Variants in LRP12 observed in about 807,000 individuals in gnomAD.
LRP12 encodes low-density lipoprotein receptor-related protein 12.
In LRP12, 14 loss-of-function variants were observed where a neutral mutation model predicts 66.0. That is an observed-to-expected ratio of 0.21 (90% confidence interval 0.14 to 0.33). The LOEUF (loss-of-function observed/expected upper bound fraction) is 0.33, where lower values mean the gene tolerates loss of function less well. Among genes scored for constraint, LRP12 ranks in the 10% least tolerant of loss-of-function variants. The pLI, the probability that LRP12 is intolerant of heterozygous loss-of-function variation, is 1.00. For missense variants in LRP12, 889 were observed against 1,053.4 expected, an observed-to-expected ratio of 0.84 and a Z score of 2.16; for synonymous variants, 357 against 359.1, an observed-to-expected ratio of 0.99 and a Z score of 0.07.
At chr8:104,584,017 C>T (rs1812294011) in intron 1 of LRP12, among the ~76,000 whole-genome samples, 1 of 151,866 alleles carries the variant, frequency 6.6e-6, no homozygotes, top group South Asian at 2.1e-4. Context: ...AAAGAAGAGA[C>T]TCTGATAACA....
intron 1 of LRP12, among the ~76,000 whole-genome samples, chr8:104,564,380 A>T (rs1161646472): frequency 6.6e-6 from 1 of 152,190 alleles, no homozygotes; most frequent in Non-Finnish European, 1.5e-5. Context: ...TTTCTATAAG[A>T]GCACTTTGAA....
At chr8:104,528,515 C>T (rs1811278361) in intron 2 of LRP12, among the ~76,000 whole-genome samples, 3 of 152,168 alleles carry the variant, frequency 2.0e-5, no homozygotes, top group Non-Finnish European at 4.4e-5. Flanking sequence ...TGGCTCATGC[C>T]TGTAATGCCA....
At chr8:104,561,421 T>G (rs1811904951) in intron 1 of LRP12, among the ~76,000 whole-genome samples, 1 of 152,194 alleles carries the variant, frequency 6.6e-6, no homozygotes, top group South Asian at 2.1e-4. Context: ...TGACCATATG[T>G]CTAATGCTTT....
intron 2 of LRP12, among the ~76,000 whole-genome samples, chr8:104,520,288 T>A (rs1336244957): frequency 6.6e-6 from 1 of 151,982 alleles, no homozygotes; most frequent in African/African-American, 2.4e-5. Context: ...TGCAAGGGTA[T>A]AAAAATTACT....
intron 2 of LRP12, among the ~76,000 whole-genome samples, chr8:104,511,194 C>A (rs572127572): frequency 1.0e-3 from 153 of 151,836 alleles, no homozygotes; most frequent in African/African-American, 3.5e-3. Context: ...CAGGTGCACG[C>A]TACCACACCC....
At chr8:104,577,101 C>T (rs1812176326) in intron 1 of LRP12, among the ~76,000 whole-genome samples, 1 of 152,066 alleles carries the variant, frequency 6.6e-6, no homozygotes, top group Non-Finnish European at 1.5e-5. Flanking sequence ...TCTTAGAGAC[C>T]TTCAAAGAGA....
At chr8:104,504,990 C>G (rs1257890093) in intron 3 of LRP12, 1 of 152,084 alleles carries the variant, frequency 6.6e-6, no homozygotes, top group Admixed American at 6.6e-5. Context: ...TGATGAGTAG[C>G]TCCAAAACTA....
chr8:104,520,924 G>C (rs567734590), intron 2 of LRP12, among the ~76,000 whole-genome samples: 3 of 152,116 alleles, frequency 2.0e-5, no homozygotes, highest in African/African-American at 4.8e-5. Context: ...ACGTTCACTA[G>C]GTTTGGCTCA....
chr8:104,506,833 C>T, intron 3 of LRP12: 1 of 152,162 alleles, frequency 6.6e-6, no homozygotes, highest in East Asian at 1.9e-4. Context: ...AAGTTTTATA[C>T]AGACAGTTCT....
intron 3 of LRP12, among the ~76,000 whole-genome samples, chr8:104,501,720 T>A (rs1029854851): frequency 1.3e-5 from 2 of 148,606 alleles, no homozygotes; most frequent in African/African-American, 2.5e-5. Context: ...AAAAAAAAAA[T>A]GGATTCAAGT....
chr8:104,553,438 A>C (rs991373576), intron 1 of LRP12, among the ~76,000 whole-genome samples: 7 of 152,224 alleles, frequency 4.6e-5, no homozygotes, highest in African/African-American at 1.7e-4. Context: ...TTCAGGCTGC[A>C]TGGGAGCTGG....
intron 1 of LRP12, among the ~76,000 whole-genome samples, chr8:104,584,386 GAAA>G (rs568981379): frequency 6.9e-6 from 1 of 145,222 alleles, no homozygotes; most frequent in Non-Finnish European, 1.5e-5. Flanking sequence ...GTAAAGTGGG[GAAA>G]AAAAAAAGGA....
chr8:104,575,535 C>A (rs1812152724), intron 1 of LRP12, among the ~76,000 whole-genome samples: 1 of 152,162 alleles, frequency 6.6e-6, no homozygotes, highest in Non-Finnish European at 1.5e-5. Context: ...CCCCTAAAAT[C>A]TTCCAGAAAT....
intron 1 of LRP12, among the ~76,000 whole-genome samples, chr8:104,587,222 G>A (rs1426693440): frequency 6.6e-6 from 1 of 152,118 alleles, no homozygotes; most frequent in Non-Finnish European, 1.5e-5. Flanking sequence ...GGACAAAGCT[G>A]GACAATCCTA....
At chr8:104,583,311 C>G (rs1037696098) in intron 1 of LRP12, among the ~76,000 whole-genome samples, 3 of 152,150 alleles carry the variant, frequency 2.0e-5, no homozygotes, top group Non-Finnish European at 4.4e-5. Context: ...CCCTTACAAC[C>G]ATTATGTTCC....
At chr8:104,548,341 A>ATATTC (rs1285251706) in intron 1 of LRP12, among the ~76,000 whole-genome samples, 3 of 22,222 alleles carry the variant, frequency 1.4e-4, no homozygotes, top group South Asian at 9.1e-4. Context: ...TTATATAAAT[A>ATATTC]TATAAATATA....
chr8:104,536,414 T>G (rs1811393201), intron 1 of LRP12, among the ~76,000 whole-genome samples: 2 of 152,028 alleles, frequency 1.3e-5, no homozygotes, highest in Admixed American at 1.3e-4. Flanking sequence ...AATGCCTATA[T>G]TCCTTACTAG....
chr8:104,533,683 T>C (rs2140864226), intron 1 of LRP12, among the ~76,000 whole-genome samples: 1 of 152,132 alleles, frequency 6.6e-6, no homozygotes, highest in Admixed American at 6.6e-5. Context: ...AATATCAGAT[T>C]TTACTTTTTT....
At chr8:104,579,336 T>C (rs1812211464) in intron 1 of LRP12, among the ~76,000 whole-genome samples, 1 of 151,366 alleles carries the variant, frequency 6.6e-6, no homozygotes, top group African/African-American at 2.4e-5. Context: ...ACAACTGCCA[T>C]AAAAAGAATA....
Sources: allele counts gnomAD v4.1 joint callset (sites outside exome capture counted in the v4.1 genomes callset), GRCh38; gene constraint gnomAD v4.1.1; transcripts MANE v1.5; gene names NCBI Gene and HGNC (gene_info 2026-07-23, HGNC 2026-07-21).